The following ABCG8 variants were observed in gnomAD, a reference collection of about 807,000 sequenced individuals.
ABCG8 encodes ATP binding cassette subfamily G member 8.
A neutral mutation model predicts 71.3 loss-of-function variants in ABCG8; 81 were observed. That is an observed-to-expected ratio of 1.14 (90% CI 0.95 to 1.37). The LOEUF is 1.37. ABCG8 is among the 40% of genes most tolerant of loss of function. ABCG8 has a pLI of 0.00. For missense variants in ABCG8, 1,119 were observed against 866.2 expected (o/e 1.29, Z -3.66); for synonymous variants, 451 against 354.7 (o/e 1.27, Z -3.05).
rs1177309800 is a variant in ABCG8 at position 43,873,789 on chromosome 2, G to T, written c.1214G>T (p.Arg405Leu). 1.9e-6 allele frequency: 3 copies of T among 1,614,006 alleles called. No homozygotes were observed. Among genetic ancestry groups the T allele is most frequent in the Non-Finnish European group, 2.5e-6 (3 of 1,179,998 alleles). Residue 405 changes from arginine to leucine, a missense_variant and splice_region_variant, in exon 9 of 13, where the codon CGT becomes CTT. Coordinates refer to ENST00000272286, the MANE Select transcript of ABCG8 (RefSeq NM_022437.3). Reference sequence around the variant, plus strand: ...ATCTCTTCCTTTTGGTTTTTAAGTCGTCAGATTTCCAACGACTTCCGAGAC... The same window carrying T: ...ATCTCTTCCTTTTGGTTTTTAAGTCTTCAGATTTCCAACGACTTCCGAGAC... The part of the protein sequence containing the change: ...AVQQFTTLIR[R>L]QISNDFRDLP...
At position 43,861,324 on chromosome 2, in the gene ABCG8, A is replaced by G. The variant is rs1467822812; in HGVS notation, c.964+8456A>G. 2.0e-5 allele frequency among the ~76,000 whole-genome samples: 3 copies of G among 151,018 alleles called. No homozygotes were observed. The East Asian group carries it at 5.8e-4, about 29-fold the overall frequency. ...TAACCATCTGGGTAGAATTCTCACT[A>G]TCTATCTGGATAGAAGTCTCACTAT... On this transcript the variant is annotated intron_variant, in intron 6 of 12. Coordinates refer to ENST00000272286, the MANE Select transcript of ABCG8 (RefSeq NM_022437.3).
At chr2:43,853,183 T>C (rs2104921024) in intron 6 of ABCG8, among the ~76,000 whole-genome samples, 1 of 152,330 alleles carries the variant, frequency 6.6e-6, no homozygotes, top group East Asian at 1.9e-4. Context: ...TTATTCAGAC[T>C]CAGTAGGGAA....
chr2:43,881,701 C>CT lies in ABCG8; in HGVS notation c.*3789dup, dbSNP rs2104956994. 1 of 119,760 alleles carries CT rather than the reference C, an allele frequency of 8.4e-6. No homozygotes were observed. Among genetic ancestry groups the CT allele is most frequent in the East Asian group, 2.2e-4 (1 of 4,570 alleles). The allele number at this position is 119,760 out of a possible 1,614,324, so 7.4% of individuals were successfully genotyped here. On this transcript the variant is annotated 3_prime_UTR_variant, in exon 13 of 13. Transcript: ENST00000272286. ...TCCAGCCTGGTGACAGAGCGATACT[C>CT]TGTCTCAAAAAAAAAAAAAAAAAAC...
intron 6 of ABCG8, among the ~76,000 whole-genome samples, chr2:43,857,684 A>G (rs1669161501): frequency 6.6e-6 from 1 of 151,630 alleles, no homozygotes; most frequent in Non-Finnish European, 1.5e-5. Flanking sequence ...AACTCTCACT[A>G]TCTTTCAGGA....
intron 6 of ABCG8, among the ~76,000 whole-genome samples, chr2:43,866,419 T>C (rs1423728156): frequency 6.6e-6 from 1 of 151,824 alleles, no homozygotes; most frequent in Non-Finnish European, 1.5e-5. Flanking sequence ...ACCCACAAAA[T>C]AGGAAAAAAT....
At position 43,881,760 on chromosome 2, in the gene ABCG8, A is replaced by AGCCCT. The variant is rs1267777095; in HGVS notation, c.*3855_*3859dup. On this transcript the variant is annotated 3_prime_UTR_variant, in exon 13 of 13. Transcript: ENST00000272286. Reference sequence around the variant, plus strand: ...CTCGAGGCATGCATGCTGTTCAGCGAGCCCTGCCCTGCATTGCGAAAGGGT... The same window carrying AGCCCT: ...CTCGAGGCATGCATGCTGTTCAGCGAGCCCTGCCCTGCCCTGCATTGCGAAAGGGT... 2.2e-4 allele frequency: 33 copies of AGCCCT among 151,552 alleles called. No individual in the cohort carries two copies. The highest frequency in any genetic ancestry group is 3.5e-4 in the Non-Finnish European group (24 of 67,996). 9.4% of individuals were successfully genotyped at this position (151,552 alleles called of 1,614,324 possible).
chr2:43,877,649 G>A lies in ABCG8; in HGVS notation c.1845G>A (p.Met615Ile). 6.2e-7 allele frequency: 1 copy of A among 1,614,120 alleles called. No homozygotes were observed. ...KIQFSRRTYK[M>I]PLGNLTIAVS... ...AGTTCAGCAGAAGAACTTATAAAATGCCTCTCGGGAACCTCACCATCGCGG... is the reference window on the plus strand; with the variant it reads ...AGTTCAGCAGAAGAACTTATAAAATACCTCTCGGGAACCTCACCATCGCGG... The change falls in exon 12 of 13, where the codon ATG becomes ATA. Residue 615 changes from methionine (M) to isoleucine (I), a missense_variant. Coordinates refer to ENST00000272286, the MANE Select transcript of ABCG8 (RefSeq NM_022437.3).
intron 6 of ABCG8, among the ~76,000 whole-genome samples, chr2:43,861,580 T>C (rs1669321179): frequency 6.6e-6 from 1 of 151,130 alleles, no homozygotes; most frequent in Admixed American, 6.6e-5. Flanking sequence ...CTGGTAGAAT[T>C]CTCACCATCT....
chr2:43,841,914 C>T (rs1163881739), intron 1 of ABCG8, among the ~76,000 whole-genome samples: 1 of 152,188 alleles, frequency 6.6e-6, no homozygotes, highest in Admixed American at 6.5e-5. Context: ...TTTCTCAGCT[C>T]ATTTACATTG....
At chr2:43,839,418 T>C (rs1668486800) in intron 1 of ABCG8, among the ~76,000 whole-genome samples, 1 of 23,426 alleles carries the variant, frequency 4.3e-5, no homozygotes, top group Non-Finnish European at 7.7e-5. Context: ...TTTTTTTTTT[T>C]TTTTTTTTTT....
rs1668912253 is a variant in ABCG8, at chr2:43,851,489, A to G, written c.323-95A>G. ...CTGGTCACATCTGCACGGACAGAGT[A>G]GTCCGGGGTCCTGGAGAGTGTATGG... is the stretch of plus-strand genomic sequence containing the variant. On this transcript the variant is annotated intron_variant, in intron 3 of 12. Transcript: ENST00000272286. The G allele has an allele frequency of 4.4e-6, 6 of 1,366,488 alleles. No individual in the cohort carries two copies. The Admixed American group carries it at 8.5e-5, about 19-fold the overall frequency. 84.6% of individuals were successfully genotyped at this position (1,366,488 alleles called of 1,614,324 possible). A position where few individuals can be genotyped will look rare whatever the true frequency, so the allele number is the denominator to read the frequency against.
intron 6 of ABCG8, among the ~76,000 whole-genome samples, chr2:43,864,944 C>G (rs1273817336): frequency 3.3e-5 from 5 of 151,938 alleles, no homozygotes; most frequent in Non-Finnish European, 5.9e-5. Flanking sequence ...CTCTCACTAT[C>G]TATCTAGATA....
chr2:43,843,166 C>G (rs1668634772), intron 1 of ABCG8, among the ~76,000 whole-genome samples: 1 of 152,194 alleles, frequency 6.6e-6, no homozygotes, highest in Non-Finnish European at 1.5e-5. Context: ...TCGTAATCAC[C>G]TGTCTCATCT....
intron 5 of ABCG8, 25 bp downstream of exon 5, chr2:43,852,511 G>T (rs748215601): frequency 6.2e-7 from 1 of 1,613,788 alleles, no homozygotes; most frequent in Non-Finnish European, 8.5e-7. Context: ...GGCAGATGGG[G>T]GCAGAGGGAC....
At chr2:43,854,843 C>T (rs1669046803) in intron 6 of ABCG8, among the ~76,000 whole-genome samples, 1 of 152,114 alleles carries the variant, frequency 6.6e-6, no homozygotes, top group South Asian at 2.1e-4. Flanking sequence ...AAGGCAGAGG[C>T]ACTGCAAGAG....
At chr2:43,843,270 G>A (rs1036379736) in intron 1 of ABCG8, among the ~76,000 whole-genome samples, 20 of 152,300 alleles carry the variant, frequency 1.3e-4, no homozygotes, top group African/African-American at 4.8e-4. Flanking sequence ...TGTTTGTTGG[G>A]TGCATGGTTG....
At chr2:43,857,329 T>C (rs1669147355) in intron 6 of ABCG8, among the ~76,000 whole-genome samples, 1 of 151,620 alleles carries the variant, frequency 6.6e-6, no homozygotes, top group African/African-American at 2.4e-5. Context: ...GAATTCTTAC[T>C]CTCTGGATAG....
At chr2:43,856,356 C>T (rs1669107114) in intron 6 of ABCG8, among the ~76,000 whole-genome samples, 1 of 141,308 alleles carries the variant, frequency 7.1e-6, no homozygotes, top group South Asian at 2.4e-4. Context: ...AACTCTCACA[C>T]CCTGTCTGGA....
intron 6 of ABCG8, among the ~76,000 whole-genome samples, chr2:43,860,506 G>C (rs1669272985): frequency 6.6e-6 from 1 of 151,380 alleles, no homozygotes; most frequent in South Asian, 2.1e-4. Flanking sequence ...CCTCTAGATA[G>C]AACTCTCACT....
Sources: gnomAD v4.1 joint callset for allele counts (sites outside exome capture counted in the v4.1 genomes callset) on GRCh38, gnomAD v4.1.1 for gene constraint, MANE v1.5 for transcripts, NCBI Gene and HGNC (gene_info 2026-07-23, HGNC 2026-07-21) for gene names.